BBX: variants seen among roughly 807,000 people sequenced by gnomAD.
The protein encoded by BBX is HMG box transcription factor BBX.
A neutral mutation model predicts 100.2 loss-of-function variants in BBX; 30 were observed. That is an observed-to-expected ratio of 0.30 (90% confidence interval 0.22 to 0.41). The LOEUF (loss-of-function observed/expected upper bound fraction) is 0.41, where lower values mean the gene tolerates loss of function less well. BBX is among the 10% of genes least tolerant of loss of function. The pLI is 1.00. For missense variants in BBX, 1,023 were observed against 1,129.8 expected (o/e 0.91, Z 1.35); for synonymous variants, 376 against 388.1 (o/e 0.97, Z 0.37).
chr3:107,747,039 T>G (rs1295836099), intron 8 of BBX, among the ~76,000 whole-genome samples: 1 of 152,178 alleles, frequency 6.6e-6, no homozygotes, highest in Non-Finnish European at 1.5e-5. Context: ...AAAAAAGTTT[T>G]TTTCACTTTG....
chr3:107,704,204 A>G (rs577975213), intron 3 of BBX, among the ~76,000 whole-genome samples: 5 of 152,334 alleles, frequency 3.3e-5, no homozygotes, highest in Admixed American at 6.5e-5. Context: ...TAAATATTTA[A>G]TAAATGTTAG....
intron 2 of BBX, among the ~76,000 whole-genome samples, chr3:107,573,925 A>C (rs865836565): frequency 6.6e-6 from 1 of 152,078 alleles, no homozygotes; most frequent in Non-Finnish European, 1.5e-5. Flanking sequence ...GGGTTTCTCC[A>C]TGTTGGTCAG....
intron 2 of BBX, among the ~76,000 whole-genome samples, chr3:107,548,648 A>G (rs1440900569): frequency 1.3e-5 from 2 of 152,222 alleles, no homozygotes; most frequent in African/African-American, 4.8e-5. Flanking sequence ...GTATACACAC[A>G]AAGAAAAGTA....
chr3:107,633,503 A>G (rs1436458737), intron 2 of BBX, among the ~76,000 whole-genome samples: 5 of 152,248 alleles, frequency 3.3e-5, no homozygotes, highest in African/African-American at 1.2e-4. Context: ...TCAAAGGGAT[A>G]GAGCTGTCAT....
chr3:107,774,977 C>G (rs1428822827), intron 12 of BBX, 120 bp downstream of exon 12: 1 of 1,228,152 alleles, frequency 8.1e-7, no homozygotes, highest in Non-Finnish European at 1.1e-6. Context: ...TCAGGACTTC[C>G]TACAATCTTA....
chr3:107,735,466 G>C (rs1006429179), intron 7 of BBX, among the ~76,000 whole-genome samples: 2 of 152,008 alleles, frequency 1.3e-5, no homozygotes, highest in East Asian at 1.9e-4. Context: ...AATCATACTG[G>C]CTTTTAAAAA....
chr3:107,630,683 A>T (rs182287487), intron 2 of BBX, among the ~76,000 whole-genome samples: 200 of 152,292 alleles, frequency 1.3e-3, no homozygotes, highest in African/African-American at 4.6e-3. Context: ...CTTTTGAGAG[A>T]TCTTCTGAAA....
chr3:107,704,498 C>G (rs1360773277), intron 3 of BBX, among the ~76,000 whole-genome samples: 2 of 152,200 alleles, frequency 1.3e-5, no homozygotes, highest in African/African-American at 4.8e-5. Context: ...ATTTGGCTCA[C>G]AGTTCTGGAG....
intron 10 of BBX, among the ~76,000 whole-genome samples, chr3:107,768,443 G>T (rs1158607687): frequency 1.3e-5 from 2 of 152,156 alleles, no homozygotes; most frequent in Non-Finnish European, 2.9e-5. Flanking sequence ...TCATGAAAGG[G>T]CTCTAGAAGT....
At chr3:107,608,110 G>T (rs2054583298) in intron 2 of BBX, among the ~76,000 whole-genome samples, 1 of 152,008 alleles carries the variant, frequency 6.6e-6, no homozygotes, top group Non-Finnish European at 1.5e-5. Flanking sequence ...CTGCGCTTGT[G>T]GGGTATTACT....
At chr3:107,692,345 C>T (rs1045747073) in intron 3 of BBX, among the ~76,000 whole-genome samples, 1 of 152,118 alleles carries the variant, frequency 6.6e-6, no homozygotes, top group South Asian at 2.1e-4. Flanking sequence ...TCCCTCCCCC[C>T]TCACCCCACC....
intron 3 of BBX, among the ~76,000 whole-genome samples, chr3:107,692,124 A>G (rs2060211420): frequency 6.6e-6 from 1 of 151,768 alleles, no homozygotes; most frequent in Non-Finnish European, 1.5e-5. Context: ...TTTTAAAATT[A>G]TAATTAGATA....
At chr3:107,739,852 T>G (rs866341910) in intron 7 of BBX, among the ~76,000 whole-genome samples, 2 of 152,194 alleles carry the variant, frequency 1.3e-5, no homozygotes, top group Non-Finnish European at 2.9e-5. Context: ...ATGAGGAAAC[T>G]GAGGCAGAAA....
At chr3:107,613,276 T>G (rs1338981155) in intron 2 of BBX, among the ~76,000 whole-genome samples, 1 of 149,564 alleles carries the variant, frequency 6.7e-6, no homozygotes, top group African/African-American at 2.5e-5. Flanking sequence ...AAGCTCTGCC[T>G]CCCGGGTTCA....
At chr3:107,664,480 G>A (rs1028931167) in intron 3 of BBX, among the ~76,000 whole-genome samples, 13 of 152,102 alleles carry the variant, frequency 8.5e-5, no homozygotes, top group Admixed American at 2.0e-4. Flanking sequence ...AGATTTTTTA[G>A]TTTGCCTGTA....
intron 3 of BBX, among the ~76,000 whole-genome samples, chr3:107,692,015 C>G (rs1158872242): frequency 6.6e-6 from 1 of 152,066 alleles, no homozygotes; most frequent in African/African-American, 2.4e-5. Flanking sequence ...AAGTTATTCA[C>G]CATCTTTCTT....
At chr3:107,763,787 C>A (rs572946799) in intron 10 of BBX, among the ~76,000 whole-genome samples, 1 of 152,166 alleles carries the variant, frequency 6.6e-6, no homozygotes, top group Non-Finnish European at 1.5e-5. Flanking sequence ...GGAGTGAGTT[C>A]CATTTCTTCC....
intron 2 of BBX, among the ~76,000 whole-genome samples, chr3:107,567,047 T>C (rs1361085016): frequency 6.6e-6 from 1 of 152,176 alleles, no homozygotes; most frequent in Non-Finnish European, 1.5e-5. Flanking sequence ...TATTTTAAAA[T>C]GTGGTTTAAA....
intron 2 of BBX, among the ~76,000 whole-genome samples, chr3:107,530,514 AATGGTTAAAC>A (rs1342357154): frequency 5.9e-5 from 9 of 152,262 alleles, no homozygotes; most frequent in Non-Finnish European, 1.2e-4. Flanking sequence ...TAATTAAGCC[AATGGTTAAAC>A]ATGGTCCTCG....
Sources: allele counts gnomAD v4.1 joint callset (sites outside exome capture counted in the v4.1 genomes callset), GRCh38; gene constraint gnomAD v4.1.1; transcripts MANE v1.5; gene names NCBI Gene and HGNC (gene_info 2026-07-23, HGNC 2026-07-21).